Variants in RFX3 observed in about 807,000 individuals in gnomAD.
The protein encoded by RFX3 is transcription factor RFX3.
In RFX3, 14 loss-of-function variants were observed where a neutral mutation model predicts 98.6. The observed-to-expected ratio is 0.14, with a 90% confidence interval of 0.09 to 0.22. The LOEUF is 0.22. Among genes scored for constraint, RFX3 ranks in the 10% least tolerant of loss-of-function variants. The pLI, the probability that RFX3 is intolerant of heterozygous loss-of-function variation, is 1.00. For synonymous variants in RFX3, 383 were observed against 328.4 expected (o/e 1.17, Z -1.80); for missense variants, 639 against 926.9 (o/e 0.69, Z 4.03).
chr9:3,424,927 A>T (rs1393488144), intron 1 of RFX3, among the ~76,000 whole-genome samples: 3 of 152,174 alleles, frequency 2.0e-5, no homozygotes, highest in Non-Finnish European at 4.4e-5. Context: ...AGGATGCCTT[A>T]ATAAGAAATG....
chr9:3,410,865 A>G (rs1842408654), intron 1 of RFX3, among the ~76,000 whole-genome samples: 1 of 152,214 alleles, frequency 6.6e-6, no homozygotes, highest in Non-Finnish European at 1.5e-5. Flanking sequence ...CATCTGATGC[A>G]TACTATTGGT....
chr9:3,306,342 A>T (rs1829311283), intron 4 of RFX3, among the ~76,000 whole-genome samples: 1 of 152,076 alleles, frequency 6.6e-6, no homozygotes, highest in Non-Finnish European at 1.5e-5. Flanking sequence ...GTATAAGAAT[A>T]AAATCAACAC....
chr9:3,467,696 A>T (rs1443274297), intron 1 of RFX3, among the ~76,000 whole-genome samples: 1 of 152,180 alleles, frequency 6.6e-6, no homozygotes, highest in African/African-American at 2.4e-5. Flanking sequence ...CAAAGAAGAA[A>T]GAGCTAAACC....
chr9:3,507,455 T>C (rs936568826), intron 1 of RFX3, among the ~76,000 whole-genome samples: 3 of 151,946 alleles, frequency 2.0e-5, no homozygotes, highest in Admixed American at 6.6e-5. Context: ...TTCAGGTTGA[T>C]TTTATTAATC....
intron 1 of RFX3, among the ~76,000 whole-genome samples, chr9:3,440,233 A>G (rs1845498766): frequency 6.6e-6 from 1 of 152,056 alleles, no homozygotes; most frequent in Non-Finnish European, 1.5e-5. Flanking sequence ...TCTATTCAAT[A>G]CTGTGCTGGA....
At chr9:3,508,715 T>C (rs1005413904) in intron 1 of RFX3, among the ~76,000 whole-genome samples, 2 of 151,902 alleles carry the variant, frequency 1.3e-5, no homozygotes, top group African/African-American at 4.8e-5. Context: ...CAAGCGGTTT[T>C]CCCCCACAGG....
intron 1 of RFX3, among the ~76,000 whole-genome samples, chr9:3,488,021 G>T (rs528458817): frequency 6.6e-6 from 1 of 152,036 alleles, no homozygotes; most frequent in African/African-American, 2.4e-5. Context: ...AATATGAGGC[G>T]TATTATAATT....
intron 1 of RFX3, among the ~76,000 whole-genome samples, chr9:3,401,029 C>G (rs530372466): frequency 1.3e-5 from 2 of 152,294 alleles, no homozygotes; most frequent in South Asian, 4.1e-4. Flanking sequence ...TTGGTCTAGA[C>G]AGCAATCTTT....
intron 4 of RFX3, 121 bp from the exon 5 acceptor site, chr9:3,301,741 T>C: frequency 1.6e-6 from 1 of 621,078 alleles, no homozygotes; most frequent in Non-Finnish European, 2.8e-6. Flanking sequence ...TAATGAACAG[T>C]TGCCACTTAA....
chr9:3,459,189 TC>T, intron 1 of RFX3, among the ~76,000 whole-genome samples: 1 of 152,296 alleles, frequency 6.6e-6, no homozygotes, highest in Admixed American at 6.5e-5. Context: ...AAACAGACTT[TC>T]TATAGAACTG....
At chr9:3,330,579 T>C (rs1587109023) in intron 3 of RFX3, 62 bp from the exon 4 acceptor site, 1 of 1,460,896 alleles carries the variant, frequency 6.8e-7, no homozygotes, top group East Asian at 2.3e-5. Context: ...TTAATTTTTT[T>C]CTAATATGAA....
At chr9:3,384,405 C>A (rs767028303) in intron 2 of RFX3, among the ~76,000 whole-genome samples, 14 of 152,216 alleles carry the variant, frequency 9.2e-5, no homozygotes, top group Admixed American at 3.3e-4. Flanking sequence ...CTGGCGTATA[C>A]TTCTCAAATA....
intron 3 of RFX3, among the ~76,000 whole-genome samples, chr9:3,340,957 A>G (rs1226249871): frequency 3.3e-5 from 5 of 152,232 alleles, no homozygotes; most frequent in African/African-American, 1.2e-4. Flanking sequence ...ATGCACACAT[A>G]TGTTTATTGC....
intron 4 of RFX3, among the ~76,000 whole-genome samples, chr9:3,314,720 C>T (rs1005409545): frequency 5.3e-5 from 8 of 151,878 alleles, no homozygotes; most frequent in Non-Finnish European, 1.0e-4. Flanking sequence ...GCAGGGGTTG[C>T]AATTCTAGTC....
chr9:3,288,712 G>A (rs1011086935), intron 6 of RFX3, among the ~76,000 whole-genome samples: 7 of 152,144 alleles, frequency 4.6e-5, no homozygotes, highest in East Asian at 3.9e-4. Flanking sequence ...TACTTTCCTG[G>A]ATAAGTTTGA....
intron 4 of RFX3, chr9:3,324,026 G>A (rs1300992762): frequency 2.2e-6 from 1 of 451,176 alleles, no homozygotes; most frequent in Admixed American, 2.4e-5. Flanking sequence ...GTCAATTTAT[G>A]ATTTAGTGTA....
At chr9:3,275,665 C>A in intron 8 of RFX3, 53 bp from the exon 9 acceptor site, 1 of 1,076,552 alleles carries the variant, frequency 9.3e-7, no homozygotes, top group Non-Finnish European at 1.4e-6. Context: ...GTGCCAATTA[C>A]AGATTAATGA....
At chr9:3,427,500 A>G (rs1433607500) in intron 1 of RFX3, among the ~76,000 whole-genome samples, 1 of 146,194 alleles carries the variant, frequency 6.8e-6, no homozygotes, top group Non-Finnish European at 1.5e-5. Context: ...CAATATATAA[A>G]TATATATTGT....
At chr9:3,359,923 A>T (rs1836214667) in intron 2 of RFX3, among the ~76,000 whole-genome samples, 1 of 152,172 alleles carries the variant, frequency 6.6e-6, no homozygotes, top group Non-Finnish European at 1.5e-5. Flanking sequence ...GTTAAACATT[A>T]ATTTTTGTTC....
Sources: allele counts gnomAD v4.1 joint callset (sites outside exome capture counted in the v4.1 genomes callset), GRCh38; gene constraint gnomAD v4.1.1; transcripts MANE v1.5; gene names NCBI Gene and HGNC (gene_info 2026-07-23, HGNC 2026-07-21).